PSMA6: variants seen among roughly 807,000 people sequenced by gnomAD.
PSMA6 encodes proteasome subunit alpha type-6.
For missense variants in PSMA6, 170 were observed against 294.8 expected, an observed-to-expected ratio of 0.58 and a Z score of 3.10; for synonymous variants, 88 against 97.7, an observed-to-expected ratio of 0.90 and a Z score of 0.59.
intron 1 of PSMA6, among the ~76,000 whole-genome samples, chr14:35,279,301 C>T (rs2051340499): frequency 6.6e-6 from 1 of 152,148 alleles, no homozygotes; most frequent in African/African-American, 2.4e-5. Flanking sequence ...CCCACCTCGA[C>T]CTCCCAAAGT....
At chr14:35,283,378 AGAG>A (rs2051388362) in intron 1 of PSMA6, among the ~76,000 whole-genome samples, 1 of 149,942 alleles carries the variant, frequency 6.7e-6, no homozygotes, top group African/African-American at 2.4e-5. Context: ...AAAAAAAAAA[AGAG>A]AGAGAAAGAG....
At chr14:35,310,939 CTT>C (rs1266427119) in intron 4 of PSMA6, 44 bp downstream of exon 4, 1 of 1,568,258 alleles carries the variant, frequency 6.4e-7, no homozygotes, top group South Asian at 1.1e-5. Flanking sequence ...TGAATTGAAA[CTT>C]TTTACAGAAC....
At chr14:35,283,424 A>G (rs2051389270) in intron 1 of PSMA6, among the ~76,000 whole-genome samples, 1 of 152,018 alleles carries the variant, frequency 6.6e-6, no homozygotes, top group Admixed American at 6.6e-5. Context: ...TCTGGAAGGA[A>G]TAACATTTCA....
chr14:35,308,156 T>A (rs1566560668), intron 2 of PSMA6, 68 bp downstream of exon 2: 7 of 1,574,132 alleles, frequency 4.4e-6, no homozygotes, highest in Middle Eastern at 1.9e-4. Context: ...GTGCAGTGGC[T>A]CACACCTGTA....
At chr14:35,294,056 T>G (rs2051535129) in intron 1 of PSMA6, among the ~76,000 whole-genome samples, 1 of 152,218 alleles carries the variant, frequency 6.6e-6, no homozygotes, top group Non-Finnish European at 1.5e-5. Context: ...TTATTTTTAT[T>G]TTTTTGAGAC....
At chr14:35,283,325 G>A (rs1490572453) in intron 1 of PSMA6, among the ~76,000 whole-genome samples, 9 of 144,384 alleles carry the variant, frequency 6.2e-5, no homozygotes, top group South Asian at 2.2e-4. Flanking sequence ...CCAGGAGTAC[G>A]AGACCAGCCT....
At chr14:35,306,564 T>C (rs2051831447) in intron 1 of PSMA6, among the ~76,000 whole-genome samples, 1 of 150,824 alleles carries the variant, frequency 6.6e-6, no homozygotes, top group South Asian at 2.1e-4. Flanking sequence ...ACTAGCTGGG[T>C]GTTGTGGCGG....
intron 1 of PSMA6, among the ~76,000 whole-genome samples, chr14:35,302,318 C>T (rs533335076): frequency 1.1e-4 from 17 of 152,172 alleles, no homozygotes; most frequent in Admixed American, 1.0e-3. Context: ...CCCATTCAGC[C>T]TCCCAAAGCA....
chr14:35,317,465 T>C lies in PSMA6; in HGVS notation c.*159T>C. The C allele has an allele frequency of 3.4e-6, 2 of 582,636 alleles. No individual in the cohort carries two copies. Among genetic ancestry groups the C allele is most frequent in the Non-Finnish European group, 6.0e-6 (2 of 332,220 alleles). The allele number at this position is 582,636 out of a possible 1,614,324, so 36.1% of individuals were successfully genotyped here. On this transcript the variant is annotated 3_prime_UTR_variant, in exon 7 of 7. Transcript: ENST00000261479. ...TCTATATAAATAAAAACAAGGCTTT[T>C]GGAAAATAATTGCATCCTGTTGTTT...
chr14:35,293,561 C>T (rs1335476463), intron 1 of PSMA6, among the ~76,000 whole-genome samples: 2 of 152,156 alleles, frequency 1.3e-5, no homozygotes, highest in African/African-American at 4.8e-5. Context: ...AAATGAGGTT[C>T]TCTTCACCTG....
intron 6 of PSMA6, chr14:35,315,977 G>A (rs1473663520): frequency 6.6e-6 from 1 of 152,140 alleles, no homozygotes; most frequent in Non-Finnish European, 1.5e-5. Context: ...GCCTTCAGTT[G>A]CACTAAAAAA....
chr14:35,280,515 G>T (rs568668516), intron 1 of PSMA6, among the ~76,000 whole-genome samples: 3 of 151,680 alleles, frequency 2.0e-5, no homozygotes, highest in African/African-American at 4.8e-5. Flanking sequence ...CCAAGTAGCT[G>T]GGATTACAGG....
chr14:35,285,904 G>A (rs2051417348), intron 1 of PSMA6, among the ~76,000 whole-genome samples: 1 of 152,232 alleles, frequency 6.6e-6, no homozygotes, highest in Non-Finnish European at 1.5e-5. Flanking sequence ...TTAAGACAGA[G>A]TGAGTTTCAC....
At chr14:35,311,275 T>G (rs6571711) in intron 4 of PSMA6, among the ~76,000 whole-genome samples, 8,810 of 152,276 alleles carry the variant, frequency 0.058, 333 homozygotes, top group Middle Eastern at 0.11. Context: ...CCTAAAGAAT[T>G]AGGGTCACAC....
At chr14:35,295,556 G>A (rs868051615) in intron 1 of PSMA6, among the ~76,000 whole-genome samples, 2 of 150,818 alleles carry the variant, frequency 1.3e-5, no homozygotes, top group Admixed American at 6.6e-5. Context: ...AGGTTCAAGC[G>A]ATTCTCCTGC....
chr14:35,293,048 C>G, intron 1 of PSMA6: 1 of 456,314 alleles, frequency 2.2e-6, no homozygotes, highest in Non-Finnish European at 4.4e-6. Flanking sequence ...ATGTTACACC[C>G]TCTTCTATAC....
intron 1 of PSMA6, among the ~76,000 whole-genome samples, chr14:35,286,487 G>A (rs2051423034): frequency 6.6e-6 from 1 of 152,196 alleles, no homozygotes; most frequent in Non-Finnish European, 1.5e-5. Context: ...CCAGAAACAA[G>A]AAGCTGAGCA....
intron 4 of PSMA6, chr14:35,311,165 TAGG>T (rs1276130586): frequency 1.4e-5 from 4 of 289,660 alleles, no homozygotes; most frequent in Non-Finnish European, 2.6e-5. Flanking sequence ...TCCTCATTAT[TAGG>T]ATGTTGTAAT....
At chr14:35,291,988 C>T (rs894979983), upstream of PSMA6, among the ~76,000 whole-genome samples, 3 of 152,084 alleles carry the variant, frequency 2.0e-5, no homozygotes, top group Non-Finnish European at 2.9e-5. Flanking sequence ...AACCTGTTTC[C>T]CCCGTAATAG....
Sources: gnomAD v4.1 joint callset for allele counts (sites outside exome capture counted in the v4.1 genomes callset) on GRCh38, gnomAD v4.1.1 for gene constraint, MANE v1.5 for transcripts, NCBI Gene and HGNC (gene_info 2026-07-23, HGNC 2026-07-21) for gene names.